Variants in LRRC4C observed in about 807,000 individuals in gnomAD.
LRRC4C encodes the protein leucine rich repeat containing 4C, also known as leucine-rich repeat-containing protein 4C.
LRRC4C carries 5 observed loss-of-function variants against 33.6 expected under a neutral mutation model. The ratio of observed to expected loss-of-function variants is 0.15; its 90% CI spans 0.08 to 0.31. The LOEUF is 0.31. Among genes scored for constraint, LRRC4C ranks in the 10% least tolerant of loss-of-function variants. The probability of loss-of-function intolerance (pLI) is 1.00; values close to 1 mark genes in which losing one functional copy is unlikely to be tolerated. For synonymous variants in LRRC4C, 329 were observed against 302.0 expected (o/e 1.09, Z -0.93); for missense variants, 560 against 796.7 (o/e 0.70, Z 3.58).
At position 40,610,491 on chromosome 11, in the gene LRRC4C, A is replaced by G. The variant is rs201130188; in HGVS notation, c.-270+37651T>C. ...AGGCAAGTATGCCCACTCTCACCAC[A>G]TCTATTAAACATAGTCCTGGGAGTT... On this transcript the variant is annotated intron_variant, in intron 3 of 6. Coordinates refer to ENST00000528697, the MANE Select transcript of LRRC4C (RefSeq NM_001258419.2). Among the ~76,000 whole-genome samples, 16 of 151,896 alleles carry G rather than the reference A, an allele frequency of 1.1e-4. No individual in the cohort carries two copies. In the East Asian group the frequency reaches 2.1e-3, roughly 20 times the overall value.
intron 1 of LRRC4C, among the ~76,000 whole-genome samples, chr11:41,388,185 T>G (rs1953436478): frequency 6.6e-6 from 1 of 151,824 alleles, no homozygotes; most frequent in Non-Finnish European, 1.5e-5. Flanking sequence ...AGCCAGGCAC[T>G]GGGAGAATAG....
chr11:40,554,954 C>G (rs534270377), intron 3 of LRRC4C, among the ~76,000 whole-genome samples: 3 of 143,264 alleles, frequency 2.1e-5, no homozygotes, highest in Admixed American at 2.0e-4. Flanking sequence ...ATCTCCTGAC[C>G]TCGTGATCCG....
intron 2 of LRRC4C, among the ~76,000 whole-genome samples, chr11:40,676,542 T>C (rs1944413021): frequency 6.6e-6 from 1 of 152,202 alleles, no homozygotes; most frequent in Non-Finnish European, 1.5e-5. Context: ...AATACCTGCC[T>C]CCTTTTAATT....
chr11:40,460,864 T>C (rs2138183479), intron 3 of LRRC4C, among the ~76,000 whole-genome samples: 1 of 152,226 alleles, frequency 6.6e-6, no homozygotes, highest in Middle Eastern at 3.4e-3. Flanking sequence ...AAAGCCTTCA[T>C]ATAAAAACAA....
At chr11:41,051,520 C>CAAAGAA (rs1858207987) in intron 1 of LRRC4C, among the ~76,000 whole-genome samples, 1 of 60,288 alleles carries the variant, frequency 1.7e-5, no homozygotes, top group Non-Finnish European at 2.8e-5. Context: ...GGTCTCAAGG[C>CAAAGAA]AAAAAAAAAA....
At chr11:40,126,845 A>C (rs1856270454) in intron 6 of LRRC4C, among the ~76,000 whole-genome samples, 1 of 152,072 alleles carries the variant, frequency 6.6e-6, no homozygotes, top group Non-Finnish European at 1.5e-5. Context: ...CTGTAATCCC[A>C]GCTACTCGGG....
chr11:40,283,285 C>T (rs567216963), intron 4 of LRRC4C, among the ~76,000 whole-genome samples: 8 of 152,292 alleles, frequency 5.3e-5, no homozygotes, highest in Middle Eastern at 3.4e-3. Flanking sequence ...ATTTCATACA[C>T]ATACCCATGT....
chr11:40,751,157 C>T (rs960084436), intron 2 of LRRC4C, among the ~76,000 whole-genome samples: 1 of 151,918 alleles, frequency 6.6e-6, no homozygotes, highest in African/African-American at 2.4e-5. Flanking sequence ...CTATAGTTAA[C>T]ATCATAATCA....
chr11:40,763,900 C>T (rs1306882592), intron 2 of LRRC4C, among the ~76,000 whole-genome samples: 1 of 152,152 alleles, frequency 6.6e-6, no homozygotes, highest in African/African-American at 2.4e-5. Context: ...GGCTGCAATT[C>T]CTAGGCAAGT....
chr11:40,816,223 A>G (rs1168641224), intron 2 of LRRC4C, among the ~76,000 whole-genome samples: 4 of 152,232 alleles, frequency 2.6e-5, no homozygotes, highest in Non-Finnish European at 4.4e-5. Context: ...CTAGGCCACT[A>G]GAGGTTATCA....
rs1469697454 is a variant in LRRC4C at position 40,486,050 on chromosome 11, C to T, written c.-270+162092G>A. 5.3e-5 allele frequency among the ~76,000 whole-genome samples: 8 copies of T among 151,402 alleles called. No individual in the cohort carries two copies. In the East Asian group the frequency reaches 1.4e-3, roughly 26 times the overall value. ...GGAAAAATAACAAATGAGTACTAGG[C>T]TTAACACCTGGAAGATGAAATAATC... On this transcript the variant is annotated intron_variant, in intron 3 of 6. Transcript: ENST00000528697.
At chr11:41,188,506 A>G (rs1270566688) in intron 1 of LRRC4C, among the ~76,000 whole-genome samples, 1 of 152,032 alleles carries the variant, frequency 6.6e-6, no homozygotes, top group Non-Finnish European at 1.5e-5. Context: ...TTCCAAGCAG[A>G]AGTAATAGAT....
At chr11:41,191,718 T>A (rs1441527364) in intron 1 of LRRC4C, among the ~76,000 whole-genome samples, 1 of 152,142 alleles carries the variant, frequency 6.6e-6, no homozygotes, top group African/African-American at 2.4e-5. Flanking sequence ...ATCCTGGGCA[T>A]CTCCCACCCA....
At chr11:40,497,230 C>A (rs570670227) in intron 3 of LRRC4C, among the ~76,000 whole-genome samples, 1 of 151,908 alleles carries the variant, frequency 6.6e-6, no homozygotes, top group Non-Finnish European at 1.5e-5. Context: ...ATGGTGAAAC[C>A]CCGTCTCTAC....
chr11:40,320,952 C>T lies in LRRC4C; in HGVS notation c.-269-1231G>A, dbSNP rs140924309. 1.9e-4 allele frequency among the ~76,000 whole-genome samples: 29 copies of T among 152,192 alleles called. No homozygotes were observed. In the East Asian group the frequency reaches 2.9e-3, roughly 15 times the overall value. On this transcript the variant is annotated intron_variant, in intron 3 of 6. Transcript: ENST00000528697. ...GTTATACTAAGGTGGTTGTAATCAA[C>T]GAATTTGAGATTCATGTATTACTTG...
chr11:40,678,791 A>G (rs954199952), intron 2 of LRRC4C, among the ~76,000 whole-genome samples: 6 of 152,152 alleles, frequency 3.9e-5, no homozygotes, highest in African/African-American at 1.2e-4. Flanking sequence ...TCTTTCCTGT[A>G]TAAATTACCC....
rs1364721249 is a variant in LRRC4C, at chr11:41,068,398, C to A, written c.-495-134675G>T. Among the ~76,000 whole-genome samples, 4 of 150,918 alleles carry A rather than the reference C, an allele frequency of 2.7e-5. No homozygotes were observed. The East Asian group carries it at 5.9e-4, about 22-fold the overall frequency. On this transcript the variant is annotated intron_variant, in intron 1 of 6. Coordinates refer to ENST00000528697, the MANE Select transcript of LRRC4C (RefSeq NM_001258419.2). ...AGAGTGGGACTCCGTCCCCTCCCCCCAACAAAAAAAAATAAATAAATAAAA... is the reference window on the plus strand; with the variant it reads ...AGAGTGGGACTCCGTCCCCTCCCCCAAACAAAAAAAAATAAATAAATAAAA...
At chr11:40,592,645 T>C (rs963526297) in intron 3 of LRRC4C, among the ~76,000 whole-genome samples, 2 of 151,890 alleles carry the variant, frequency 1.3e-5, no homozygotes, top group Admixed American at 6.6e-5. Flanking sequence ...TAGCTGCTTC[T>C]GGTAAATGGC....
Position 41,211,156 on chromosome 11 carries a change from C to T in LRRC4C, c.-496+248275G>A, listed in dbSNP as rs565600401. On this transcript the variant is annotated intron_variant, in intron 1 of 6. Coordinates refer to ENST00000528697, the MANE Select transcript of LRRC4C (RefSeq NM_001258419.2). ...CCCTGGTTTAAATGATAGAAAGAAGCTATATTTAGAAAAGACTGGAGATGG... is the reference window on the plus strand; with the variant it reads ...CCCTGGTTTAAATGATAGAAAGAAGTTATATTTAGAAAAGACTGGAGATGG... 5.9e-5 allele frequency among the ~76,000 whole-genome samples: 9 copies of T among 152,120 alleles called. No homozygotes were observed. The East Asian group carries it at 1.7e-3, about 29-fold the overall frequency.
Sources: allele counts gnomAD v4.1 joint callset (sites outside exome capture counted in the v4.1 genomes callset), GRCh38; gene constraint gnomAD v4.1.1; transcripts MANE v1.5; gene names NCBI Gene and HGNC (gene_info 2026-07-23, HGNC 2026-07-21).